The following USP15 variants were observed in gnomAD, a reference collection of about 807,000 sequenced individuals.
USP15 encodes ubiquitin specific peptidase 15.
In USP15, 18 loss-of-function variants were observed where a neutral mutation model predicts 127.1. The ratio of observed to expected loss-of-function variants is 0.14; its 90% confidence interval spans 0.10 to 0.21. USP15 has a LOEUF of 0.21. Among genes scored for constraint, USP15 ranks in the 10% least tolerant of loss-of-function variants. USP15 has a pLI of 1.00. For missense variants in USP15, 805 were observed against 1,159.9 expected, an observed-to-expected ratio of 0.69 and a Z score of 4.44; for synonymous variants, 364 against 393.7, an observed-to-expected ratio of 0.92 and a Z score of 0.89.
Position 62,309,935 on chromosome 12 carries a change from A to C in USP15, c.349-4855A>C, listed in dbSNP as rs185862698. Among the ~76,000 whole-genome samples the C allele has an allele frequency of 2.7e-3, 411 of 152,098 alleles. 1 individual carries two copies. The highest frequency in any genetic ancestry group is 3.9e-3 in the Non-Finnish European group (266 of 67,894). On this transcript the variant is annotated intron_variant, in intron 3 of 21. Coordinates refer to ENST00000280377, the MANE Select transcript of USP15 (RefSeq NM_001252078.2). ...TAAAAGTTCTTCCCAAGTCAAGAAT[A>C]ACTGTGTTAGAAATCTTAGCCAGTA...
At chr12:62,335,670 A>G (rs534283065) in intron 6 of USP15, 103 of 986,430 alleles carry the variant, frequency 1.0e-4, no homozygotes, top group Middle Eastern at 5.2e-4. Context: ...CATCTTTAAA[A>G]CCAAAAACCA....
chr12:62,343,195 C>G (rs1375252360), intron 6 of USP15, among the ~76,000 whole-genome samples: 1 of 152,206 alleles, frequency 6.6e-6, no homozygotes, highest in African/African-American at 2.4e-5. Context: ...TCAAAACCTC[C>G]CAGTCTCCAT....
At chr12:62,272,317 T>C (rs964699283) in intron 1 of USP15, among the ~76,000 whole-genome samples, 2 of 151,992 alleles carry the variant, frequency 1.3e-5, no homozygotes, top group African/African-American at 4.8e-5. Context: ...TTTTTACTTA[T>C]AAAAGGACTG....
rs190294458 is a variant in USP15 at position 62,335,442 on chromosome 12, C to G, written c.683+9509C>G. The G allele has an allele frequency of 1.1e-4, 151 of 1,347,480 alleles. No individual in the cohort carries two copies. In the Middle Eastern group the frequency reaches 2.2e-3, roughly 20 times the overall value. 83.5% of individuals were successfully genotyped at this position (1,347,480 alleles called of 1,614,324 possible). A position where few individuals can be genotyped will look rare whatever the true frequency, so the allele number is the denominator to read the frequency against. On this transcript the variant is annotated intron_variant, in intron 6 of 21. Transcript: ENST00000280377. ...ACCTGTCGACCACATCCATCCTTAG[C>G]TCTCTGATCACCTTACTATTTAAGG...
chr12:62,323,995 C>T (rs1317471372), intron 5 of USP15, among the ~76,000 whole-genome samples: 1 of 137,192 alleles, frequency 7.3e-6, no homozygotes, highest in Non-Finnish European at 1.6e-5. Context: ...TAAACCCTCT[C>T]CTGGACCTTT....
Position 62,408,218 on chromosome 12 carries a change from T to G in USP15, c.*3843T>G, listed in dbSNP as rs1455698489. 1 of 152,122 alleles carries G rather than the reference T, an allele frequency of 6.6e-6. No individual in the cohort carries two copies. The highest frequency in any genetic ancestry group is 1.5e-5 in the Non-Finnish European group (1 of 68,024). 9.4% of individuals were successfully genotyped at this position (152,122 alleles called of 1,614,324 possible). ...CTCCGAGAGGAGGAATATATTAGAC[T>G]GATAACGTTTAAGTCTGATGTATGG... On this transcript the variant is annotated 3_prime_UTR_variant, in exon 22 of 22. Transcript: ENST00000280377.
At chr12:62,369,808 CTTAATA>C (rs1435155544) in intron 8 of USP15, among the ~76,000 whole-genome samples, 3 of 152,096 alleles carry the variant, frequency 2.0e-5, no homozygotes, top group East Asian at 1.9e-4. Flanking sequence ...TAAGGAAATC[CTTAATA>C]TTAATAGTAG....
chr12:62,267,142 C>CGCA (rs1193477562), intron 1 of USP15: 1 of 152,032 alleles, frequency 6.6e-6, no homozygotes. Flanking sequence ...TAATGTCAGT[C>CGCA]TAGCTTGTTT....
At chr12:62,314,643 C>CT (rs2064778965) in intron 3 of USP15, 147 bp from the exon 4 acceptor site, 7 of 766,950 alleles carry the variant, frequency 9.1e-6, no homozygotes, top group Non-Finnish European at 1.3e-5. Flanking sequence ...TATCCAATAT[C>CT]TTTTTTTATA....
In USP15 at chr12:62,384,309, C is replaced by A; in HGVS notation, c.1473+7C>A. 3.0e-5 allele frequency: 45 copies of A among 1,503,374 alleles called. No homozygotes were observed. The highest frequency in any genetic ancestry group is 3.8e-5 in the Non-Finnish European group (42 of 1,115,752). The allele number at this position is 1,503,374 out of a possible 1,614,324, so 93.1% of individuals were successfully genotyped here. ...ACTTACCAAACCTATGCAGGTAAAT[C>A]ATGGGTTGGTTTGTTTTGTTTTTTT... On this transcript the variant is annotated splice_region_variant and intron_variant, in intron 11 of 21. Coordinates refer to ENST00000280377, the MANE Select transcript of USP15 (RefSeq NM_001252078.2).
intron 3 of USP15, 138 bp downstream of exon 3, chr12:62,303,058 A>G (rs955815971): frequency 9.6e-6 from 9 of 933,152 alleles, no homozygotes; most frequent in African/African-American, 6.7e-5. Context: ...CTGTGTTACA[A>G]TAATGGCAAG....
chr12:62,270,289 A>G (rs920836716), intron 1 of USP15, among the ~76,000 whole-genome samples: 1 of 151,960 alleles, frequency 6.6e-6, no homozygotes, highest in African/African-American at 2.4e-5. Context: ...TTAATTTACA[A>G]ATTTTTCTCC....
In USP15 at chr12:62,393,078, C is replaced by G. The variant is rs771914572; in HGVS notation, c.2446C>G (p.Gln816Glu). 4 of 1,613,584 alleles carry G rather than the reference C, an allele frequency of 2.5e-6. No individual in the cohort carries two copies. Among genetic ancestry groups the G allele is most frequent in the Non-Finnish European group, 3.4e-6 (4 of 1,179,808 alleles). Residue 816 changes from glutamine to glutamate, a missense_variant, in exon 19 of 22, where the codon CAG (glutamine) becomes GAG (glutamate). Physicochemically the swap from Gln to Glu is conservative, Grantham distance 29 (BLOSUM62 2). Transcript: ENST00000280377. ...PWYCPNCKEH[Q>E]QATKKLDLWS... Reference sequence around the variant, plus strand: ...GTATTGTCCGAATTGTAAAGAACATCAGCAAGCCACAAAGAAATTGGATTT... The same window carrying G: ...GTATTGTCCGAATTGTAAAGAACATGAGCAAGCCACAAAGAAATTGGATTT...
chr12:62,373,386 C>A (rs1240734821), intron 8 of USP15, among the ~76,000 whole-genome samples: 1 of 151,934 alleles, frequency 6.6e-6, no homozygotes, highest in Non-Finnish European at 1.5e-5. Context: ...GATAATTCTT[C>A]ATTGAATTCA....
intron 1 of USP15, among the ~76,000 whole-genome samples, 181 bp downstream of exon 1, chr12:62,260,684 C>T (rs143622432): frequency 6.6e-6 from 1 of 152,062 alleles, no homozygotes; most frequent in Non-Finnish European, 1.5e-5. Flanking sequence ...AGATGAGGGT[C>T]AGGGTTCTTG....
intron 1 of USP15, among the ~76,000 whole-genome samples, chr12:62,268,221 T>C (rs899981663): frequency 6.6e-6 from 1 of 151,556 alleles, no homozygotes; most frequent in East Asian, 1.9e-4. Flanking sequence ...GAAACTGGGA[T>C]AGTTAAATGT....
At chr12:62,297,706 C>T (rs1035323431) in intron 2 of USP15, among the ~76,000 whole-genome samples, 1 of 152,162 alleles carries the variant, frequency 6.6e-6, no homozygotes, top group Non-Finnish European at 1.5e-5. Flanking sequence ...CTTTCAAAGC[C>T]AGTTGATAAA....
intron 11 of USP15, 110 bp downstream of exon 11, chr12:62,384,412 T>C: frequency 1.3e-6 from 1 of 789,732 alleles, no homozygotes; most frequent in African/African-American, 1.8e-5. Flanking sequence ...TATTGAATTA[T>C]CAAGCCCAAT....
At chr12:62,381,370 C>T in intron 8 of USP15, 120 bp from the exon 9 acceptor site, 1 of 812,372 alleles carries the variant, frequency 1.2e-6, no homozygotes. Flanking sequence ...TGCAAGAAAC[C>T]ATCATTTAAA....
Sources: gnomAD v4.1 joint callset for allele counts (sites outside exome capture counted in the v4.1 genomes callset) on GRCh38, gnomAD v4.1.1 for gene constraint, MANE v1.5 for transcripts, NCBI Gene and HGNC (gene_info 2026-07-23, HGNC 2026-07-21) for gene names.